GRIP1: variants seen among roughly 807,000 people sequenced by gnomAD.
The protein encoded by GRIP1 is glutamate receptor-interacting protein 1.
Under a neutral mutation model 129.9 loss-of-function variants are expected in GRIP1, and 45 were observed. The ratio of observed to expected loss-of-function variants is 0.35; its 90% CI spans 0.27 to 0.44. GRIP1 has a LOEUF of 0.44. GRIP1 is among the 20% of genes least tolerant of loss of function. GRIP1 has a pLI of 1.00. For synonymous variants in GRIP1, 530 were observed against 520.8 expected (o/e 1.02, Z -0.24); for missense variants, 1,196 against 1,396.8 (o/e 0.86, Z 2.29).
chr12:66,936,780 A>G (rs10506512), intron 1 of GRIP1, among the ~76,000 whole-genome samples: 32,011 of 152,128 alleles, frequency 0.21, 3,587 homozygotes, highest in South Asian at 0.26. Context: ...GCATTAAAGC[A>G]TTACACCATG....
chr12:66,812,160 G>C (rs376229357), intron 1 of GRIP1, among the ~76,000 whole-genome samples: 1 of 152,084 alleles, frequency 6.6e-6, no homozygotes, highest in Non-Finnish European at 1.5e-5. Context: ...TTGCGATGGA[G>C]TATCACTCTG....
chr12:66,795,264 C>T (rs1001224287), intron 1 of GRIP1, among the ~76,000 whole-genome samples: 32 of 152,316 alleles, frequency 2.1e-4, no homozygotes, highest in African/African-American at 7.0e-4. Context: ...GTTGGCGTCA[C>T]ATTCCATATT....
chr12:66,837,620 T>C lies in GRIP1; in HGVS notation c.58+231430A>G, dbSNP rs137935629. 1.5e-3 allele frequency among the ~76,000 whole-genome samples: 222 copies of C among 152,292 alleles called. 1 individual carries two copies. The highest frequency in any genetic ancestry group is 4.2e-3 in the African/African-American group (176 of 41,574). ...TACCTTGCAAGCAATGAAAGGCCAT[T>C]GAAAAGTTTCTAAAAGAAAAATAAG... is the stretch of plus-strand genomic sequence containing the variant. On this transcript the variant is annotated intron_variant, in intron 1 of 1. Coordinates refer to the GRIP1 transcript ENST00000643019.
chr12:66,827,566 A>G (rs2039441815), intron 1 of GRIP1, among the ~76,000 whole-genome samples: 1 of 151,992 alleles, frequency 6.6e-6, no homozygotes, highest in African/African-American at 2.4e-5. Flanking sequence ...TGCTATCCAC[A>G]CTCAAGGGGA....
chr12:66,455,485 AG>A lies in GRIP1; in HGVS notation c.1277del (p.Pro426LeufsTer13). Reference protein sequence around the residue: ...SLSSLNMGTLPRSLYSTSPRG... With the variant: ...SLSSLNMGTLXRSLYSTSPRG... ...GTGGGCTGGTGGAGTAGAGGCTTCG[AG>A]GTAGAGTCCCCATGTTCAGGGAACT... On this transcript the variant is annotated frameshift_variant, in exon 11 of 25. Transcript: ENST00000359742. LOFTEE classifies it high-confidence loss of function. 1 of 1,613,810 alleles carries A rather than the reference AG, an allele frequency of 6.2e-7. No homozygotes were observed. The highest frequency in any genetic ancestry group is 8.5e-7 in the Non-Finnish European group (1 of 1,179,710).
chr12:66,441,447 G>C (rs1448971886), intron 13 of GRIP1, among the ~76,000 whole-genome samples: 1 of 152,026 alleles, frequency 6.6e-6, no homozygotes, highest in Admixed American at 6.6e-5. Flanking sequence ...CTGCCATGTT[G>C]GTTATTCCTC....
intron 1 of GRIP1, among the ~76,000 whole-genome samples, chr12:66,826,389 C>A (rs868328451): frequency 4.6e-5 from 7 of 151,916 alleles, no homozygotes; most frequent in African/African-American, 1.7e-4. Context: ...CACCATGGCA[C>A]GTGTATATCT....
intron 1 of GRIP1, among the ~76,000 whole-genome samples, chr12:66,840,368 A>G (rs2039692993): frequency 6.6e-6 from 1 of 152,188 alleles, no homozygotes; most frequent in Admixed American, 6.5e-5. Context: ...TCACTAATAC[A>G]ATTGTGAAAA....
intron 1 of GRIP1, among the ~76,000 whole-genome samples, chr12:66,892,171 T>A (rs1321584283): frequency 6.6e-6 from 1 of 151,896 alleles, no homozygotes; most frequent in Non-Finnish European, 1.5e-5. Flanking sequence ...GGTGACAGGG[T>A]AGTGACAGCT....
chr12:66,716,187 GATTT>G (rs1433302358), intron 1 of GRIP1, among the ~76,000 whole-genome samples: 2 of 151,962 alleles, frequency 1.3e-5, no homozygotes, highest in African/African-American at 4.8e-5. Context: ...ATTAAAAAAA[GATTT>G]ATTATTTTTA....
upstream of GRIP1, among the ~76,000 whole-genome samples, chr12:66,679,826 T>C (rs1431022222): frequency 2.6e-5 from 4 of 152,206 alleles, no homozygotes; most frequent in Non-Finnish European, 5.9e-5. Flanking sequence ...ACCATTCTTC[T>C]CATTATGCAA....
chr12:66,993,665 G>C (rs7973367), intron 1 of GRIP1, among the ~76,000 whole-genome samples: 126,326 of 151,628 alleles, frequency 0.83, 53,145 homozygotes, highest in African/African-American at 0.94. Context: ...GTGGTGCACG[G>C]CCATAATCCC....
chr12:66,447,410 T>C (rs1175360009), intron 11 of GRIP1, among the ~76,000 whole-genome samples: 3 of 152,222 alleles, frequency 2.0e-5, no homozygotes, highest in Admixed American at 6.5e-5. Context: ...TGTGATATTT[T>C]GACACCTTAT....
At chr12:66,791,953 C>A (rs2038550562) in intron 1 of GRIP1, among the ~76,000 whole-genome samples, 1 of 152,106 alleles carries the variant, frequency 6.6e-6, no homozygotes, top group African/African-American at 2.4e-5. Context: ...GAGAAGTCAA[C>A]AATGTTCTCA....
At chr12:66,476,871 C>T (rs1448581498) in intron 7 of GRIP1, among the ~76,000 whole-genome samples, 6 of 152,256 alleles carry the variant, frequency 3.9e-5, no homozygotes, top group Non-Finnish European at 4.4e-5. Context: ...ATTGATGGGA[C>T]GTATCTAAAA....
intron 1 of GRIP1, among the ~76,000 whole-genome samples, chr12:67,065,509 T>A (rs1365611263): frequency 2.0e-5 from 3 of 152,234 alleles, no homozygotes; most frequent in Non-Finnish European, 4.4e-5. Flanking sequence ...AACACACCTA[T>A]ATAATTAGAT....
At chr12:66,699,534 C>T (rs1453867689) in intron 1 of GRIP1, among the ~76,000 whole-genome samples, 1 of 152,126 alleles carries the variant, frequency 6.6e-6, no homozygotes, top group East Asian at 1.9e-4. Flanking sequence ...TGACTGCCAC[C>T]ATGTAAGACA....
chr12:66,919,962 G>T (rs907294677), intron 1 of GRIP1, among the ~76,000 whole-genome samples: 6 of 151,946 alleles, frequency 3.9e-5, no homozygotes, highest in Non-Finnish European at 7.4e-5. Context: ...TATAAGAAGG[G>T]CTAAGAAGGG....
chr12:66,643,301 T>C (rs978145811), intron 1 of GRIP1, among the ~76,000 whole-genome samples: 3 of 152,240 alleles, frequency 2.0e-5, no homozygotes, highest in Admixed American at 6.5e-5. Context: ...CAAACATGCA[T>C]GTATCACAGT....
Sources: allele counts gnomAD v4.1 joint callset (sites outside exome capture counted in the v4.1 genomes callset), GRCh38; gene constraint gnomAD v4.1.1; transcripts MANE v1.5; gene names NCBI Gene and HGNC (gene_info 2026-07-23, HGNC 2026-07-21).